Variants in COBLL1 observed in about 807,000 individuals in gnomAD.
COBLL1 encodes cordon-bleu protein-like 1.
COBLL1 carries 50 observed loss-of-function variants against 94.8 expected under a neutral mutation model. The ratio of observed to expected loss-of-function variants is 0.53; its 90% CI spans 0.42 to 0.67. The LOEUF (loss-of-function observed/expected upper bound fraction) is 0.67, where lower values mean the gene tolerates loss of function less well. Ranked by LOEUF, COBLL1 falls within the 30% of genes least tolerant of loss-of-function variation. The pLI is 0.00. For missense variants in COBLL1, 1,362 were observed against 1,348.7 expected (o/e 1.01, Z -0.15); for synonymous variants, 448 against 473.8 (o/e 0.95, Z 0.71).
chr2:164,763,195 CATTTCCAATA>C (rs1046979052), intron 2 of COBLL1, among the ~76,000 whole-genome samples: 2 of 152,012 alleles, frequency 1.3e-5, no homozygotes, highest in Non-Finnish European at 2.9e-5. Context: ...TAAAGGGTCA[CATTTCCAATA>C]AAGTCACCGT....
At chr2:164,803,740 T>G (rs775413522) in intron 2 of COBLL1, among the ~76,000 whole-genome samples, 4 of 152,140 alleles carry the variant, frequency 2.6e-5, no homozygotes, top group Non-Finnish European at 4.4e-5. Flanking sequence ...TTAATCAATT[T>G]GTCTAATCAC....
At chr2:164,727,676 G>T (rs1685780957) in intron 5 of COBLL1, among the ~76,000 whole-genome samples, 1 of 134,876 alleles carries the variant, frequency 7.4e-6, no homozygotes, top group African/African-American at 2.8e-5. Context: ...GAAGAATTAA[G>T]TTAAATCCTA....
intron 2 of COBLL1, among the ~76,000 whole-genome samples, chr2:164,746,854 A>G (rs1051405732): frequency 3.3e-5 from 5 of 152,038 alleles, no homozygotes; most frequent in Non-Finnish European, 7.4e-5. Flanking sequence ...CAGGCCCTCT[A>G]CAGAGTCTGC....
chr2:164,661,782 A>G (rs1691073841), intron 2 of COBLL1, among the ~76,000 whole-genome samples: 1 of 152,224 alleles, frequency 6.6e-6, no homozygotes, highest in Non-Finnish European at 1.5e-5. Context: ...CTATAGTATT[A>G]GGATTACTTC....
chr2:164,770,744 C>A (rs1394378334), intron 2 of COBLL1, among the ~76,000 whole-genome samples: 1 of 152,100 alleles, frequency 6.6e-6, no homozygotes, highest in Non-Finnish European at 1.5e-5. Context: ...GACCTAGAAA[C>A]AAAGGCATAT....
chr2:164,805,053 G>A (rs1357842094), intron 2 of COBLL1, among the ~76,000 whole-genome samples: 2 of 151,774 alleles, frequency 1.3e-5, no homozygotes, highest in Non-Finnish European at 2.9e-5. Context: ...GACAAATGAT[G>A]ATGGCCTCAA....
At chr2:164,713,001 AGTTTCTTTGT>A (rs1684981581) in intron 7 of COBLL1, among the ~76,000 whole-genome samples, 2 of 152,086 alleles carry the variant, frequency 1.3e-5, no homozygotes, top group African/African-American at 4.8e-5. Context: ...CATACTTGCC[AGTTTCTTTGT>A]TATATTATTG....
intron 2 of COBLL1, among the ~76,000 whole-genome samples, chr2:164,829,339 C>T (rs1682950995): frequency 6.6e-6 from 1 of 152,168 alleles, no homozygotes. Context: ...AGCATTAACA[C>T]AGCAGCCTCT....
chr2:164,670,506 A>C (rs891003949), intron 1 of COBLL1, among the ~76,000 whole-genome samples: 29 of 152,352 alleles, frequency 1.9e-4, no homozygotes, highest in African/African-American at 6.3e-4. Flanking sequence ...AAAGTAGTCT[A>C]TCTTTGAATC....
chr2:164,838,020 C>T (rs1683404422), intron 2 of COBLL1, among the ~76,000 whole-genome samples: 1 of 151,950 alleles, frequency 6.6e-6, no homozygotes, highest in South Asian at 2.1e-4. Flanking sequence ...CAGCCTGTCT[C>T]AAAAGAAAGG....
intron 1 of COBLL1, among the ~76,000 whole-genome samples, chr2:164,667,307 A>G (rs891868519): frequency 6.6e-6 from 1 of 152,180 alleles, no homozygotes; most frequent in African/African-American, 2.4e-5. Context: ...CAGTAGATAT[A>G]GCATAATTAC....
intron 2 of COBLL1, among the ~76,000 whole-genome samples, chr2:164,790,406 C>T (rs534980283): frequency 1.3e-5 from 2 of 152,192 alleles, no homozygotes; most frequent in Admixed American, 6.5e-5. Flanking sequence ...ATTTGTTAAC[C>T]TTTCTTAAAT....
chr2:164,822,737 T>A (rs1474084700), intron 2 of COBLL1, among the ~76,000 whole-genome samples: 1 of 11,132 alleles, frequency 9.0e-5, no homozygotes, highest in Non-Finnish European at 1.8e-4. Flanking sequence ...TTATATTATA[T>A]TATTATTATT....
chr2:164,783,608 C>G (rs990929967), intron 2 of COBLL1, among the ~76,000 whole-genome samples: 8 of 151,990 alleles, frequency 5.3e-5, no homozygotes, highest in African/African-American at 1.9e-4. Flanking sequence ...CAATTACAGC[C>G]AAGATTTAGC....
In COBLL1 at chr2:164,700,667, G is replaced by A; in HGVS notation, c.1315C>T (p.Pro439Ser). The A allele has an allele frequency of 6.2e-7, 1 of 1,613,298 alleles. No individual in the cohort carries two copies. Among genetic ancestry groups the A allele is most frequent in the Non-Finnish European group, 8.5e-7 (1 of 1,179,416 alleles). ...ACAAAAGGAATATCTTGTGACTTCG[G>A]AGAAATATTTTCAGCTTCAACTTTA... ...VPKVEAENIS[P>S]KSQDIPFVST... is the part of the protein sequence containing the mutation. The change falls in exon 10 of 14, where the codon CCG (proline) becomes TCG (serine). Residue 439 changes from proline to serine, a missense_variant. Pro to Ser is a moderately conservative substitution (Grantham distance 74). Transcript: ENST00000652658.
At chr2:164,660,734 A>C (rs532195004) in intron 2 of COBLL1, among the ~76,000 whole-genome samples, 1 of 152,228 alleles carries the variant, frequency 6.6e-6, no homozygotes, top group African/African-American at 2.4e-5. Context: ...TTTTAAGTTC[A>C]TATGTAACTG....
downstream of COBLL1, among the ~76,000 whole-genome samples, chr2:164,676,948 A>G (rs887808029): frequency 6.6e-6 from 1 of 152,132 alleles, no homozygotes; most frequent in African/African-American, 2.4e-5. Context: ...ACATCTCTAA[A>G]TCCACTGTCC....
Position 164,740,757 on chromosome 2 carries a change from TA to T in COBLL1, c.230+2929del, listed in dbSNP as rs1686546184. 2.0e-5 allele frequency among the ~76,000 whole-genome samples: 3 copies of T among 152,272 alleles called. No individual in the cohort carries two copies. The Middle Eastern group carries it at 0.01, about 518-fold the overall frequency. The stretch of plus-strand genomic sequence containing the variant: ...AGAACAATATGTAATAAATATGATA[TA>T]AAGTGTCGGAAGATTTTGGAAGCCA... On this transcript the variant is annotated intron_variant, in intron 3 of 13. Coordinates refer to ENST00000652658, the MANE Select transcript of COBLL1 (RefSeq NM_001365672.2).
At position 164,685,188 on chromosome 2, in the gene COBLL1, G is replaced by A. The variant is rs901064460; in HGVS notation, c.*758C>T. On this transcript the variant is annotated 3_prime_UTR_variant, in exon 14 of 14. Transcript: ENST00000652658. ...GTCACAATATATCAGCATTTTCACA[G>A]AAAGATGTTTAAGGCTTCTGGCACA... 2 of 152,020 alleles carry A rather than the reference G, an allele frequency of 1.3e-5. No individual in the cohort carries two copies. Among genetic ancestry groups the A allele is most frequent in the Admixed American group, 6.6e-5 (1 of 15,252 alleles). The allele number at this position is 152,020 out of a possible 1,614,324, so 9.4% of individuals were successfully genotyped here.
Sources: allele counts gnomAD v4.1 joint callset (sites outside exome capture counted in the v4.1 genomes callset), GRCh38; gene constraint gnomAD v4.1.1; transcripts MANE v1.5; gene names NCBI Gene and HGNC (gene_info 2026-07-23, HGNC 2026-07-21).